Variants in FRMD4B observed in about 807,000 individuals in gnomAD.
FRMD4B encodes FERM domain containing 4B, also known as FERM domain-containing protein 4B.
FRMD4B carries 74 observed loss-of-function variants against 141.5 expected under a neutral mutation model. That is an observed-to-expected ratio of 0.52 (90% CI 0.43 to 0.63). The LOEUF (loss-of-function observed/expected upper bound fraction) is 0.63, where lower values mean the gene tolerates loss of function less well. Ranked by LOEUF, FRMD4B falls within the 30% of genes least tolerant of loss-of-function variation. The probability of loss-of-function intolerance (pLI) is 0.00; values close to 1 mark genes in which losing one functional copy is unlikely to be tolerated. For missense variants in FRMD4B, 1,366 were observed against 1,253.4 expected, an observed-to-expected ratio of 1.09 and a Z score of -1.36; for synonymous variants, 506 against 467.9, an observed-to-expected ratio of 1.08 and a Z score of -1.05.
intron 7 of FRMD4B, among the ~76,000 whole-genome samples, chr3:69,237,897 A>AT (rs1003563958): frequency 2.6e-5 from 4 of 152,036 alleles, no homozygotes; most frequent in African/African-American, 9.7e-5. Context: ...TGCTCGGCTC[A>AT]TTTTTTGTAT....
chr3:69,229,805 A>C (rs1008043426), intron 7 of FRMD4B, among the ~76,000 whole-genome samples: 1 of 152,044 alleles, frequency 6.6e-6, no homozygotes, highest in Non-Finnish European at 1.5e-5. Flanking sequence ...ACCCGGGTTC[A>C]AATGATTCTC....
chr3:69,512,712 T>C (rs1363315250), intron 1 of FRMD4B, among the ~76,000 whole-genome samples: 81 of 152,306 alleles, frequency 5.3e-4, no homozygotes, highest in Non-Finnish European at 1.3e-4. Flanking sequence ...CACAGCTGAT[T>C]GCAAAGTAAG....
At chr3:69,359,475 T>C (rs1703414491) in intron 1 of FRMD4B, among the ~76,000 whole-genome samples, 1 of 152,234 alleles carries the variant, frequency 6.6e-6, no homozygotes, top group East Asian at 1.9e-4. Context: ...GACTGACCGA[T>C]AAGGAACATT....
At chr3:69,467,706 A>G (rs1532524) in intron 1 of FRMD4B, among the ~76,000 whole-genome samples, 33,556 of 152,148 alleles carry the variant, frequency 0.22, 4,113 homozygotes, top group Non-Finnish European at 0.29. Context: ...CAATCCTAGT[A>G]TATACCTCCC....
rs891248080 is a variant in FRMD4B at position 69,291,404 on chromosome 3, A to G, written c.417-3568T>C. Among the ~76,000 whole-genome samples the G allele has an allele frequency of 4.6e-5, 7 of 152,258 alleles. No individual in the cohort carries two copies. In the East Asian group the frequency reaches 1.3e-3, roughly 29 times the overall value. ...TCCCATTGCCTCCAAAACTTATAAA[A>G]AAAAGAGTTCTGTGATTGTGACATT... On this transcript the variant is annotated intron_variant, in intron 4 of 22. Transcript: ENST00000398540.
intron 5 of FRMD4B, among the ~76,000 whole-genome samples, chr3:69,284,367 C>A (rs1225723766): frequency 1.3e-5 from 2 of 152,118 alleles, no homozygotes; most frequent in African/African-American, 2.4e-5. Flanking sequence ...GGGAAGAGTG[C>A]CTCATCCTTA....
intron 1 of FRMD4B, among the ~76,000 whole-genome samples, chr3:69,374,657 A>G (rs1190285131): frequency 6.6e-6 from 1 of 152,252 alleles, no homozygotes; most frequent in Non-Finnish European, 1.5e-5. Context: ...ATTTCCTGTC[A>G]GAGAGACAGA....
intron 1 of FRMD4B, among the ~76,000 whole-genome samples, chr3:69,317,630 C>T (rs1021401650): frequency 2.6e-5 from 4 of 151,736 alleles, no homozygotes; most frequent in Admixed American, 1.3e-4. Context: ...TGGTGTGCAT[C>T]TGTAATCCCA....
chr3:69,325,756 A>C (rs1397356930), intron 1 of FRMD4B, among the ~76,000 whole-genome samples: 4 of 152,200 alleles, frequency 2.6e-5, no homozygotes, highest in Admixed American at 2.6e-4. Context: ...ATCATCAGTA[A>C]TACACCATTT....
At chr3:69,224,048 T>A (rs1187188193) in intron 8 of FRMD4B, among the ~76,000 whole-genome samples, 1 of 152,096 alleles carries the variant, frequency 6.6e-6, no homozygotes, top group Non-Finnish European at 1.5e-5. Context: ...GGATTCAGAC[T>A]GAAACCAAGG....
Position 69,465,841 on chromosome 3 carries a change from G to A in FRMD4B, c.-128-33080C>T, listed in dbSNP as rs138211497. Among the ~76,000 whole-genome samples, 235 of 152,190 alleles carry A rather than the reference G, an allele frequency of 1.5e-3. 2 individuals carry two copies. Among genetic ancestry groups the A allele is most frequent in the African/African-American group, 4.7e-3 (197 of 41,506 alleles). On this transcript the variant is annotated intron_variant, in intron 1 of 5. Transcript: ENST00000459638. ...AGTCTTTGCTATTGTGAATAGTGCC[G>A]CAATAAACATATGTGTCCATGTGTC... is the stretch of plus-strand genomic sequence containing the variant.
intron 2 of FRMD4B, among the ~76,000 whole-genome samples, chr3:69,416,084 C>T (rs1704853935): frequency 6.6e-6 from 1 of 152,186 alleles, no homozygotes; most frequent in Non-Finnish European, 1.5e-5. Flanking sequence ...CCAGGGCATA[C>T]CAAGTAGCTC....
intron 1 of FRMD4B, among the ~76,000 whole-genome samples, chr3:69,528,357 T>C (rs1168158604): frequency 6.6e-6 from 1 of 151,192 alleles, no homozygotes; most frequent in African/African-American, 2.4e-5. Context: ...CCTTTTCCTT[T>C]CTCTCTCTCT....
chr3:69,283,842 T>C, intron 5 of FRMD4B, among the ~76,000 whole-genome samples: 1 of 152,124 alleles, frequency 6.6e-6, no homozygotes, highest in Non-Finnish European at 1.5e-5. Context: ...GTAAAGCCTT[T>C]GATGCTGGGA....
chr3:69,390,509 T>C (rs374659818), upstream of FRMD4B, among the ~76,000 whole-genome samples: 3 of 152,114 alleles, frequency 2.0e-5, no homozygotes, highest in African/African-American at 7.2e-5. Flanking sequence ...CGCTAAACAT[T>C]ATATAATGCA....
At chr3:69,188,890 A>G (rs564053394) in intron 18 of FRMD4B, among the ~76,000 whole-genome samples, 1 of 152,020 alleles carries the variant, frequency 6.6e-6, no homozygotes, top group East Asian at 1.9e-4. Context: ...TGACAAAGAA[A>G]CACTCTATTA....
intron 1 of FRMD4B, among the ~76,000 whole-genome samples, chr3:69,512,334 A>C (rs1706703242): frequency 6.6e-6 from 1 of 152,186 alleles, no homozygotes; most frequent in Non-Finnish European, 1.5e-5. Flanking sequence ...GAAAGCCAAC[A>C]CTTTCTTGGG....
At chr3:69,232,403 C>T (rs545637118) in intron 7 of FRMD4B, among the ~76,000 whole-genome samples, 1 of 152,320 alleles carries the variant, frequency 6.6e-6, no homozygotes, top group African/African-American at 2.4e-5. Flanking sequence ...GAACTCCTCC[C>T]TTAGGCATTC....
In FRMD4B at chr3:69,235,135, G is replaced by T. The variant is rs1037084883; in HGVS notation, c.582-10445C>A. Among the ~76,000 whole-genome samples the T allele has an allele frequency of 5.5e-5, 8 of 146,372 alleles. No individual in the cohort carries two copies. The South Asian group carries it at 8.7e-4, about 16-fold the overall frequency. The stretch of plus-strand genomic sequence containing the variant: ...ACTGCACTCCAGCCTGGGTGACAGA[G>T]CGAGACCCTGTCTCAAATAATAATA... On this transcript the variant is annotated intron_variant, in intron 7 of 22. Coordinates refer to ENST00000398540, the MANE Select transcript of FRMD4B (RefSeq NM_015123.3).
Sources: gnomAD v4.1 joint callset for allele counts (sites outside exome capture counted in the v4.1 genomes callset) on GRCh38, gnomAD v4.1.1 for gene constraint, MANE v1.5 for transcripts, NCBI Gene and HGNC (gene_info 2026-07-23, HGNC 2026-07-21) for gene names.